CSRNP3: variants seen among roughly 807,000 people sequenced by gnomAD.
The protein encoded by CSRNP3 is cysteine and serine rich nuclear protein 3, also known as cysteine/serine-rich nuclear protein 3.
CSRNP3 carries 12 observed loss-of-function variants against 48.0 expected under a neutral mutation model. That is an observed-to-expected ratio of 0.25 (90% CI 0.16 to 0.41). The LOEUF is 0.41. Ranked by LOEUF, CSRNP3 falls within the 10% of genes least tolerant of loss-of-function variation. The pLI is 1.00. For missense variants in CSRNP3, 580 were observed against 724.4 expected (o/e 0.80, Z 2.29); for synonymous variants, 263 against 269.7 (o/e 0.98, Z 0.24).
intron 1 of CSRNP3, among the ~76,000 whole-genome samples, chr2:165,483,381 A>G (rs1250517889): frequency 6.6e-6 from 1 of 152,194 alleles, no homozygotes; most frequent in East Asian, 1.9e-4. Context: ...TTACCTTTGT[A>G]TTCTGTAAGT....
intron 1 of CSRNP3, among the ~76,000 whole-genome samples, chr2:165,484,238 A>G (rs1363388239): frequency 6.6e-6 from 1 of 152,066 alleles, no homozygotes; most frequent in Non-Finnish European, 1.5e-5. Context: ...TGTTACAGGC[A>G]TGCACCACCA....
At chr2:165,675,136 G>C (rs1687402411) in intron 5 of CSRNP3, among the ~76,000 whole-genome samples, 1 of 151,938 alleles carries the variant, frequency 6.6e-6, no homozygotes, top group Non-Finnish European at 1.5e-5. Flanking sequence ...TCCAGTTTGA[G>C]GATTTTTTCT....
intron 3 of CSRNP3, among the ~76,000 whole-genome samples, chr2:165,557,822 G>A (rs533180793): frequency 6.6e-6 from 1 of 152,248 alleles, no homozygotes; most frequent in East Asian, 1.9e-4. Flanking sequence ...CTGCCCTTAG[G>A]GGCTTGCATT....
chr2:165,528,568 C>G (rs1428548924), intron 3 of CSRNP3, among the ~76,000 whole-genome samples: 3 of 152,186 alleles, frequency 2.0e-5, no homozygotes, highest in African/African-American at 7.2e-5. Context: ...TCTCAACACT[C>G]TTTATTAAAG....
chr2:165,632,822 G>A (rs1022286869), intron 4 of CSRNP3, among the ~76,000 whole-genome samples: 1 of 152,144 alleles, frequency 6.6e-6, no homozygotes, highest in Non-Finnish European at 1.5e-5. Flanking sequence ...AACAACATGG[G>A]CTACATGACT....
intron 3 of CSRNP3, among the ~76,000 whole-genome samples, chr2:165,537,054 T>C (rs1455137748): frequency 3.3e-5 from 5 of 151,682 alleles, no homozygotes; most frequent in Non-Finnish European, 4.4e-5. Context: ...CCTCCCTTTA[T>C]CTCTCCAAAA....
At chr2:165,508,312 T>C (rs1367549856) in intron 2 of CSRNP3, among the ~76,000 whole-genome samples, 1 of 152,124 alleles carries the variant, frequency 6.6e-6, no homozygotes, top group Non-Finnish European at 1.5e-5. Context: ...TGATGTTTCT[T>C]TGAAAAAATT....
chr2:165,589,427 A>T (rs1404275536), intron 3 of CSRNP3, among the ~76,000 whole-genome samples: 5 of 152,210 alleles, frequency 3.3e-5, no homozygotes, highest in Non-Finnish European at 7.3e-5. Flanking sequence ...GAAATTGGAC[A>T]GGTATTCTAC....
At chr2:165,602,979 C>T (rs1685941539) in intron 4 of CSRNP3, among the ~76,000 whole-genome samples, 1 of 152,048 alleles carries the variant, frequency 6.6e-6, no homozygotes, top group Non-Finnish European at 1.5e-5. Context: ...ACTGCAGGCT[C>T]TGCCCCACGG....
At chr2:165,526,058 G>T (rs1405379629) in intron 3 of CSRNP3, among the ~76,000 whole-genome samples, 1 of 152,016 alleles carries the variant, frequency 6.6e-6, no homozygotes, top group Non-Finnish European at 1.5e-5. Context: ...ATTTGTGCAG[G>T]TATATTTCTA....
At chr2:165,637,015 C>A (rs1686639568) in intron 4 of CSRNP3, among the ~76,000 whole-genome samples, 1 of 151,984 alleles carries the variant, frequency 6.6e-6, no homozygotes, top group African/African-American at 2.4e-5. Flanking sequence ...GTTTGGTTGG[C>A]TTGTTTTGTT....
intron 4 of CSRNP3, among the ~76,000 whole-genome samples, chr2:165,649,648 C>T (rs891195609): frequency 1.3e-5 from 2 of 152,144 alleles, no homozygotes; most frequent in African/African-American, 2.4e-5. Context: ...TACAGGGAAC[C>T]GAATATATCA....
chr2:165,502,045 C>A (rs1005809160), intron 2 of CSRNP3, among the ~76,000 whole-genome samples: 17 of 151,926 alleles, frequency 1.1e-4, no homozygotes, highest in Admixed American at 9.2e-4. Flanking sequence ...CTTTAAAAAG[C>A]TGAAATGTAG....
intron 4 of CSRNP3, among the ~76,000 whole-genome samples, chr2:165,641,076 TGTG>T (rs1429435744): frequency 6.6e-6 from 1 of 152,224 alleles, no homozygotes; most frequent in African/African-American, 2.4e-5. Context: ...TTTCCAAACT[TGTG>T]GTCACACACC....
chr2:165,529,767 C>A (rs1406323147), intron 3 of CSRNP3, among the ~76,000 whole-genome samples: 2 of 152,078 alleles, frequency 1.3e-5, no homozygotes, highest in Non-Finnish European at 2.9e-5. Flanking sequence ...GAACATATAG[C>A]ATAGTGTTGG....
intron 4 of CSRNP3, among the ~76,000 whole-genome samples, chr2:165,609,153 A>G (rs1461957095): frequency 1.4e-5 from 2 of 145,550 alleles, no homozygotes; most frequent in Non-Finnish European, 3.0e-5. Flanking sequence ...CTAAATTCTC[A>G]TAAAAGATGT....
Position 165,590,548 on chromosome 2 carries a change from C to A in CSRNP3, c.-23-4495C>A, listed in dbSNP as rs143309655. On this transcript the variant is annotated intron_variant, in intron 3 of 6. Coordinates refer to ENST00000651982, the MANE Select transcript of CSRNP3 (RefSeq NM_001172173.2). ...GGTTTGGCTGTGTTCCCACCCAAAT[C>A]TCATCTTGAGTTGTAGTTCCCATAA... Among the ~76,000 whole-genome samples the A allele has an allele frequency of 8.7e-3, 1,329 of 152,270 alleles. 18 individuals are homozygous for A. Among genetic ancestry groups the A allele is most frequent in the African/African-American group, 0.03 (1,261 of 41,550 alleles).
At chr2:165,533,900 G>GTCTTAT (rs1411957745) in intron 3 of CSRNP3, among the ~76,000 whole-genome samples, 25 of 151,904 alleles carry the variant, frequency 1.6e-4, no homozygotes, top group Non-Finnish European at 1.8e-4. Flanking sequence ...TATAAATGGG[G>GTCTTAT]AAATATAAGA....
intron 2 of CSRNP3, among the ~76,000 whole-genome samples, chr2:165,505,164 C>G (rs747752607): frequency 1.6e-4 from 24 of 152,044 alleles, no homozygotes; most frequent in Admixed American, 6.6e-4. Context: ...AGATCTGATT[C>G]TCAGTTTTGG....
Sources: gnomAD v4.1 joint callset for allele counts (sites outside exome capture counted in the v4.1 genomes callset) on GRCh38, gnomAD v4.1.1 for gene constraint, MANE v1.5 for transcripts, NCBI Gene and HGNC (gene_info 2026-07-23, HGNC 2026-07-21) for gene names.